Variants in MAMDC2 observed in about 807,000 individuals in gnomAD.
MAMDC2 encodes MAM domain containing 2.
A neutral mutation model predicts 89.8 loss-of-function variants in MAMDC2; 57 were observed. The ratio of observed to expected loss-of-function variants is 0.63; its 90% CI spans 0.51 to 0.79. The LOEUF is 0.79. Ranked by LOEUF, MAMDC2 falls within the 30% of genes least tolerant of loss-of-function variation. The pLI is 0.00. For missense variants in MAMDC2, 800 were observed against 820.6 expected, an observed-to-expected ratio of 0.97 and a Z score of 0.31; for synonymous variants, 313 against 293.4, an observed-to-expected ratio of 1.07 and a Z score of -0.68.
In MAMDC2 at chr9:70,143,669, C is replaced by G; in HGVS notation, c.1254C>G (p.Ile418Met). ...LQYCLRFHYA[I>M]YGFLKMSDTL... ...ATTGTCTGCGTTTTCATTATGCCATCTATGGATTTTTAAAAATGAGTGACA... is the reference window on the plus strand; with the variant it reads ...ATTGTCTGCGTTTTCATTATGCCATGTATGGATTTTTAAAAATGAGTGACA... Residue 418 changes from isoleucine to methionine, a missense_variant, in exon 9 of 14, where the codon ATC becomes ATG. Physicochemically the swap from Ile to Met is conservative, Grantham distance 10. Coordinates refer to ENST00000377182, the MANE Select transcript of MAMDC2 (RefSeq NM_153267.5). 1 of 1,614,180 alleles carries G rather than the reference C, an allele frequency of 6.2e-7. No individual in the cohort carries two copies. The highest frequency in any genetic ancestry group is 2.2e-5 in the East Asian group (1 of 44,880).
intron 2 of MAMDC2, among the ~76,000 whole-genome samples, chr9:70,100,725 A>G (rs1828167136): frequency 6.6e-6 from 1 of 152,180 alleles, no homozygotes; most frequent in African/African-American, 2.4e-5. Flanking sequence ...CCCAGCACTA[A>G]AAGCACAAAG....
chr9:70,109,650 C>G (rs1197686374), intron 3 of MAMDC2, 70 bp from the exon 4 acceptor site: 5 of 1,295,040 alleles, frequency 3.9e-6, no homozygotes, highest in Non-Finnish European at 5.6e-6. Flanking sequence ...AGACTAATAG[C>G]TGAAATACTG....
chr9:70,158,886 T>C (rs2031862124), intron 9 of MAMDC2, among the ~76,000 whole-genome samples: 1 of 152,154 alleles, frequency 6.6e-6, no homozygotes, highest in Admixed American at 6.5e-5. Context: ...TAAGTATTTT[T>C]GTATCTAAAC....
chr9:70,176,172 A>G (rs1470617757), intron 11 of MAMDC2, among the ~76,000 whole-genome samples: 1 of 152,228 alleles, frequency 6.6e-6, no homozygotes, highest in African/African-American at 2.4e-5. Flanking sequence ...ATAATGTTAT[A>G]GTCTGAGCTT....
intron 5 of MAMDC2, among the ~76,000 whole-genome samples, chr9:70,116,568 A>G (rs2030005416): frequency 6.6e-6 from 1 of 152,158 alleles, no homozygotes; most frequent in Admixed American, 6.5e-5. Flanking sequence ...TTTGAGTTCC[A>G]ATATTTTACT....
intron 2 of MAMDC2, 66 bp from the exon 3 acceptor site, chr9:70,108,144 CA>C: frequency 7.1e-7 from 1 of 1,412,856 alleles, no homozygotes; most frequent in Non-Finnish European, 9.6e-7. Flanking sequence ...TACTTAACTG[CA>C]GTTACGTATT....
chr9:70,171,387 C>T (rs1435113279), intron 11 of MAMDC2, among the ~76,000 whole-genome samples: 3 of 151,828 alleles, frequency 2.0e-5, no homozygotes, highest in South Asian at 2.1e-4. Context: ...GTGGTCACAG[C>T]TACTTGGAAG....
rs2031795974 is a variant in MAMDC2, at chr9:70,157,339, T to C, written c.1405-11363T>C. 2.0e-5 allele frequency among the ~76,000 whole-genome samples: 3 copies of C among 152,248 alleles called. No homozygotes were observed. In the South Asian group the frequency reaches 6.2e-4, roughly 31 times the overall value. On this transcript the variant is annotated intron_variant, in intron 9 of 13. Transcript: ENST00000377182. The stretch of plus-strand genomic sequence containing the variant: ...ATAAGTATTTGCTGGCCTCTAGAGC[T>C]ATAAGCTCAACTCATGCAATTAGAA...
At chr9:70,166,296 CACACACACATAT>C (rs1337081026) in intron 9 of MAMDC2, among the ~76,000 whole-genome samples, 3 of 74,846 alleles carry the variant, frequency 4.0e-5, no homozygotes, top group Non-Finnish European at 6.8e-5. Context: ...CACACACACA[CACACACACATAT>C]ATATATATAC....
intron 12 of MAMDC2, among the ~76,000 whole-genome samples, chr9:70,221,380 T>TATATATAGAGAGAGAGAGAGAGAGAGAG: frequency 1.4e-4 from 1 of 7,044 alleles, no homozygotes; most frequent in African/African-American, 4.4e-4. Context: ...TATATATATA[T>TATATATAGAGAGAGAGAGAGAGAGAGAG]AGAGAGAGAG....
At chr9:70,059,686 G>T (rs1448833011) in intron 2 of MAMDC2, among the ~76,000 whole-genome samples, 1 of 152,098 alleles carries the variant, frequency 6.6e-6, no homozygotes, top group Non-Finnish European at 1.5e-5. Context: ...GTTCTTTTTG[G>T]CCTCAATCCT....
At chr9:70,170,818 T>C (rs2032316819) in intron 11 of MAMDC2, 187 bp downstream of exon 11, 1 of 527,410 alleles carries the variant, frequency 1.9e-6, no homozygotes, top group Admixed American at 3.8e-5. Flanking sequence ...GTTTATTACA[T>C]TGCTTATGTA....
intron 2 of MAMDC2, 112 bp from the exon 3 acceptor site, chr9:70,108,099 C>A: frequency 8.9e-7 from 1 of 1,124,708 alleles, no homozygotes; most frequent in Non-Finnish European, 1.2e-6. Flanking sequence ...AGTGGGTTGA[C>A]AAAATATATC....
At chr9:70,171,337 A>AT (rs11376987) in intron 11 of MAMDC2, among the ~76,000 whole-genome samples, 112,618 of 149,494 alleles carry the variant, frequency 0.75, 42,434 homozygotes, top group Admixed American at 0.79. Context: ...TATCTTGACA[A>AT]TTTTTTTTTT....
At chr9:70,190,530 C>T (rs2118600058) in intron 11 of MAMDC2, among the ~76,000 whole-genome samples, 1 of 151,014 alleles carries the variant, frequency 6.6e-6, no homozygotes, top group South Asian at 2.1e-4. Flanking sequence ...TAAAGGTCAG[C>T]CAGAGGTGAC....
intron 11 of MAMDC2, among the ~76,000 whole-genome samples, chr9:70,195,146 C>T (rs912567098): frequency 6.6e-6 from 1 of 151,922 alleles, no homozygotes; most frequent in Non-Finnish European, 1.5e-5. Flanking sequence ...CAAATATGGA[C>T]AGGCAAAAAA....
At chr9:70,113,266 T>A in intron 5 of MAMDC2, 134 bp downstream of exon 5, 1 of 975,978 alleles carries the variant, frequency 1.0e-6, no homozygotes, top group Non-Finnish European at 1.5e-6. Flanking sequence ...AGGAACTAAG[T>A]AGGAACCAGG....
At chr9:70,184,684 T>C (rs2032712535) in intron 11 of MAMDC2, among the ~76,000 whole-genome samples, 1 of 152,052 alleles carries the variant, frequency 6.6e-6, no homozygotes, top group Admixed American at 6.6e-5. Flanking sequence ...CTATTGATAC[T>C]TGTGTATGCT....
intron 2 of MAMDC2, among the ~76,000 whole-genome samples, chr9:70,104,371 G>A (rs1191072255): frequency 6.6e-6 from 1 of 152,204 alleles, no homozygotes; most frequent in Non-Finnish European, 1.5e-5. Flanking sequence ...AACCACTTGA[G>A]AAAGCAGTTT....
Sources: gnomAD v4.1 joint callset for allele counts (sites outside exome capture counted in the v4.1 genomes callset) on GRCh38, gnomAD v4.1.1 for gene constraint, MANE v1.5 for transcripts, NCBI Gene and HGNC (gene_info 2026-07-23, HGNC 2026-07-21) for gene names.